The following GTF2IRD1 variants were observed in gnomAD, a reference collection of about 807,000 sequenced individuals.
GTF2IRD1 encodes the protein general transcription factor II-I repeat domain-containing protein 1.
Under a neutral mutation model 113.2 loss-of-function variants are expected in GTF2IRD1, and 26 were observed. The observed-to-expected ratio is 0.23, with a 90% confidence interval of 0.17 to 0.32. The LOEUF (loss-of-function observed/expected upper bound fraction) is 0.32, where lower values mean the gene tolerates loss of function less well. GTF2IRD1 is among the 10% of genes least tolerant of loss of function. The pLI is 1.00. For synonymous variants in GTF2IRD1, 484 were observed against 529.1 expected (o/e 0.91, Z 1.17); for missense variants, 864 against 1,280.8 (o/e 0.67, Z 4.97).
At position 74,601,067 on chromosome 7, in the gene GTF2IRD1, C is replaced by T. The variant is rs201071085; in HGVS notation, c.2653C>T (p.Arg885Cys). 1.3e-5 allele frequency: 21 copies of T among 1,614,164 alleles called. No homozygotes were observed. In the East Asian group the frequency reaches 2.0e-4, roughly 15 times the overall value. The part of the protein sequence containing the change: ...VPAKDSSIPK[R>C]KRKRVSEGNS... Reference sequence around the variant, plus strand: ...AGCCAAAGACAGCAGCATTCCCAAGCGCAAGAGAAAGCGGGTCTCGGAAGG... The same window carrying T: ...AGCCAAAGACAGCAGCATTCCCAAGTGCAAGAGAAAGCGGGTCTCGGAAGG... The change falls in exon 26 of 27, where the codon CGC becomes TGC. Residue 885 changes from arginine to cysteine, a missense_variant. Around this residue, in one of 7 missense-constraint regions of GTF2IRD1, gnomAD observed 55 missense variants for 52.2 expected, o/e 1.05. Transcript: ENST00000424337.
rs781920779 is a variant in GTF2IRD1, at chr7:74,555,886, A to T, written c.2023+392A>T. ...CACTTGGGAAGGTCAAGGTGGGAGG[A>T]TCGCTTGAGGCTGGGAGCTCGAGAC... is the stretch of plus-strand genomic sequence containing the variant. On this transcript the variant is annotated intron_variant, in intron 19 of 26. Transcript: ENST00000424337. This position sits in a 1 kb window ranked among gnomAD's most constrained non-coding sequence, Gnocchi z 5.3. 2.6e-5 allele frequency among the ~76,000 whole-genome samples: 4 copies of T among 152,312 alleles called. No homozygotes were observed. Among genetic ancestry groups the T allele is most frequent in the African/African-American group, 7.2e-5 (3 of 41,582 alleles).
chr7:74,505,045 G>A (rs976137386), intron 1 of GTF2IRD1, among the ~76,000 whole-genome samples: 1 of 151,030 alleles, frequency 6.6e-6, no homozygotes, highest in Non-Finnish European at 1.5e-5. Context: ...TAAAAGACAG[G>A]GTCTTGCTGT....
intron 8 of GTF2IRD1, 73 bp downstream of exon 8, chr7:74,524,227 G>T: frequency 9.8e-7 from 1 of 1,015,804 alleles, no homozygotes; most frequent in Non-Finnish European, 1.5e-6. Flanking sequence ...GCAATCACTC[G>T]TGTTCCCCAA....
chr7:74,583,569 C>T (rs1268724709), intron 22 of GTF2IRD1, among the ~76,000 whole-genome samples: 1 of 151,932 alleles, frequency 6.6e-6, no homozygotes, highest in East Asian at 1.9e-4. Context: ...GGACGCCTCC[C>T]CAAACTGCCA....
At chr7:74,477,173 G>A (rs547150579) in intron 1 of GTF2IRD1, among the ~76,000 whole-genome samples, 375 of 152,170 alleles carry the variant, frequency 2.5e-3, no homozygotes, top group Non-Finnish European at 3.6e-3. Context: ...AGACCAGCCT[G>A]GCCAACATGG....
intron 25 of GTF2IRD1, among the ~76,000 whole-genome samples, chr7:74,599,742 C>T (rs1323765791): frequency 1.6e-4 from 24 of 152,102 alleles, no homozygotes; most frequent in Admixed American, 1.3e-4. Flanking sequence ...AGGCTGGTCT[C>T]GAACTCCTGA....
At chr7:74,591,405 G>A (rs1802055550) in intron 24 of GTF2IRD1, among the ~76,000 whole-genome samples, 1 of 124,632 alleles carries the variant, frequency 8.0e-6, no homozygotes, top group African/African-American at 3.1e-5. Flanking sequence ...TTGAGACAGA[G>A]TCTTGCTCTG....
intron 9 of GTF2IRD1, among the ~76,000 whole-genome samples, chr7:74,534,499 G>A (rs1415546125): frequency 1.3e-5 from 2 of 152,166 alleles, no homozygotes; most frequent in Non-Finnish European, 2.9e-5. Context: ...CTACTCAGGA[G>A]GCTGAGGGAG....
chr7:74,600,592 CCCCA>C (rs1802695986), intron 25 of GTF2IRD1, among the ~76,000 whole-genome samples: 1 of 152,058 alleles, frequency 6.6e-6, no homozygotes, highest in Admixed American at 6.6e-5. Context: ...ACACCTATAA[CCCCA>C]GCTACTTGGG....
chr7:74,595,713 G>T (rs782474662), intron 25 of GTF2IRD1, among the ~76,000 whole-genome samples: 6 of 152,178 alleles, frequency 3.9e-5, no homozygotes, highest in Non-Finnish European at 5.9e-5. Flanking sequence ...ACCTGCAGGT[G>T]CCCTGCAGAG....
intron 23 of GTF2IRD1, 133 bp from the exon 24 acceptor site, chr7:74,590,692 G>A (rs1431884327): frequency 5.6e-6 from 3 of 534,258 alleles, no homozygotes; most frequent in African/African-American, 3.8e-5. Flanking sequence ...CGCCCCACCA[G>A]GGTCTTGATT....
In GTF2IRD1 at chr7:74,558,850, C is replaced by G. The variant is rs782696133; in HGVS notation, c.2108-11C>G. On this transcript the variant is annotated splice_polypyrimidine_tract_variant and intron_variant, in intron 20 of 26. Transcript: ENST00000424337. ...ACTCCTGACGGGCAGGACCCTGCCT[C>G]TCGCCCACAGGGGAAGCCTTGGGCA... 1.2e-6 allele frequency: 2 copies of G among 1,607,286 alleles called. No homozygotes were observed. Among genetic ancestry groups the G allele is most frequent in the East Asian group, 4.5e-5 (2 of 44,740 alleles).
chr7:74,568,597 G>A (rs1449130701), intron 22 of GTF2IRD1, among the ~76,000 whole-genome samples: 4 of 152,084 alleles, frequency 2.6e-5, no homozygotes, highest in African/African-American at 7.2e-5. Flanking sequence ...GCAGTGAGCC[G>A]AGATTGTGCC....
At chr7:74,482,503 C>T (rs548456802) in intron 1 of GTF2IRD1, among the ~76,000 whole-genome samples, 4 of 152,186 alleles carry the variant, frequency 2.6e-5, no homozygotes, top group South Asian at 2.1e-4. Context: ...GCTGGGATTA[C>T]GGGTGCGAGC....
At chr7:74,463,548 T>A (rs1405308443) in intron 1 of GTF2IRD1, among the ~76,000 whole-genome samples, 1 of 151,414 alleles carries the variant, frequency 6.6e-6, no homozygotes, top group Non-Finnish European at 1.5e-5. Flanking sequence ...CATCTTTAAG[T>A]GGGAGAACAG....
At chr7:74,458,167 G>A (rs181437414) in intron 1 of GTF2IRD1, among the ~76,000 whole-genome samples, 3 of 152,058 alleles carry the variant, frequency 2.0e-5, no homozygotes, top group Non-Finnish European at 2.9e-5. Flanking sequence ...CACTGCGCCC[G>A]GTCCTGAGTT....
intron 3 of GTF2IRD1, 177 bp from the exon 4 acceptor site, chr7:74,515,264 C>A: frequency 7.5e-7 from 1 of 1,324,730 alleles, no homozygotes; most frequent in Non-Finnish European, 1.0e-6. Flanking sequence ...CCCTGGCCCT[C>A]AGTGGGGTGG....
Position 74,557,651 on chromosome 7 carries a change from C to T in GTF2IRD1, c.2036C>T (p.Ala679Val), listed in dbSNP as rs782209466. 22 of 1,612,702 alleles carry T rather than the reference C, an allele frequency of 1.4e-5. No individual in the cohort carries two copies. The highest frequency in any genetic ancestry group is 1.3e-4 in the Admixed American group (8 of 59,948). ...KRQGFQENYDARLSRIDIANT... is the reference protein window; with the variant it reads ...KRQGFQENYDVRLSRIDIANT... ...TTGCGCTTTGCAGAAAATTATGACG[C>T]GAGGCTCTCACGGATCGACATCGCC... is the stretch of plus-strand genomic sequence containing the variant. The change falls in exon 20 of 27, where the codon GCG becomes GTG. Residue 679 changes from alanine to valine, a missense_variant. By Grantham distance (64) the Ala-to-Val change is moderately conservative. This residue lies in a region of GTF2IRD1 where 195 missense variants were observed against 359.1 expected (regional missense o/e 0.54). Transcript: ENST00000424337.
intron 17 of GTF2IRD1, among the ~76,000 whole-genome samples, chr7:74,551,153 C>A (rs1388398284): frequency 3.3e-5 from 5 of 152,184 alleles, no homozygotes; most frequent in African/African-American, 1.2e-4. Context: ...ATCAGCCTGG[C>A]CAACATGGTG....
Sources: gnomAD v4.1 joint callset for allele counts (sites outside exome capture counted in the v4.1 genomes callset) on GRCh38, gnomAD v4.1.1 for gene constraint, gnomAD v4.1.1 regional missense constraint, Gnocchi (gnomAD v3.1) non-coding constraint, MANE v1.5 for transcripts, NCBI Gene and HGNC (gene_info 2026-07-23, HGNC 2026-07-21) for gene names.